KALRN: variants seen among roughly 807,000 people sequenced by gnomAD.
KALRN encodes kalirin.
KALRN carries 70 observed loss-of-function variants against 353.7 expected under a neutral mutation model. The ratio of observed to expected loss-of-function variants is 0.20; its 90% confidence interval spans 0.16 to 0.24. The LOEUF is 0.24. Among genes scored for constraint, KALRN ranks in the 10% least tolerant of loss-of-function variants. KALRN has a pLI of 1.00. For missense variants in KALRN, 2,791 were observed against 3,756.7 expected, an observed-to-expected ratio of 0.74 and a Z score of 6.72; for synonymous variants, 1,391 against 1,434.8, an observed-to-expected ratio of 0.97 and a Z score of 0.69.
intron 33 of KALRN, among the ~76,000 whole-genome samples, chr3:124,536,310 G>A (rs920270908): frequency 9.5e-5 from 14 of 146,816 alleles, no homozygotes; most frequent in South Asian, 8.6e-4. Context: ...CAAGTGATTC[G>A]CCTGCCTCAG....
intron 6 of KALRN, among the ~76,000 whole-genome samples, chr3:124,309,947 T>C (rs1596649): frequency 0.063 from 9,538 of 152,112 alleles, 940 homozygotes; most frequent in East Asian, 0.47. Flanking sequence ...GAAAAAGAAA[T>C]AAGAGTCATC....
At chr3:124,656,973 C>G (rs1473164460) in intron 39 of KALRN, among the ~76,000 whole-genome samples, 2 of 152,172 alleles carry the variant, frequency 1.3e-5, no homozygotes, top group African/African-American at 4.8e-5. Context: ...AAGTCATCAT[C>G]CAACACCCAG....
At chr3:124,580,382 G>T (rs1477274908) in intron 34 of KALRN, among the ~76,000 whole-genome samples, 1 of 150,918 alleles carries the variant, frequency 6.6e-6, no homozygotes, top group Non-Finnish European at 1.5e-5. Flanking sequence ...GTGGGGAGGG[G>T]GGACTCAGGC....
intron 10 of KALRN, among the ~76,000 whole-genome samples, chr3:124,362,962 A>G (rs1355008762): frequency 2.6e-5 from 4 of 152,202 alleles, no homozygotes; most frequent in African/African-American, 9.6e-5. Flanking sequence ...TGTAGCTGTC[A>G]CTCTGATGAA....
chr3:124,250,172 C>T lies in KALRN; in HGVS notation c.264-14326C>T, dbSNP rs2070925436. On this transcript the variant is annotated intron_variant, in intron 3 of 59. Coordinates refer to ENST00000682506, the MANE Select transcript of KALRN (RefSeq NM_001388419.1). ...TGGGCTTTCAAGAATGTGACTGCTACTTAAGGAGAAAGAGGAGGAGGGAAG... is the reference window on the plus strand; with the variant it reads ...TGGGCTTTCAAGAATGTGACTGCTATTTAAGGAGAAAGAGGAGGAGGGAAG... Among the ~76,000 whole-genome samples the T allele has an allele frequency of 4.6e-5, 7 of 152,232 alleles. No homozygotes were observed. The South Asian group carries it at 1.5e-3, about 32-fold the overall frequency.
In KALRN at chr3:124,456,643, G is replaced by T. The variant is rs749299134; in HGVS notation, c.3769G>T (p.Ala1257Ser). Residue 1257 changes from alanine to serine, a missense_variant, in exon 23 of 60, where the codon GCA becomes TCA. Coordinates refer to ENST00000682506, the MANE Select transcript of KALRN (RefSeq NM_001388419.1). The stretch of plus-strand genomic sequence containing the variant: ...GGACCTGGAGCTGGATATTATCCCA[G>T]CAAGCCTTTCGGATCGGGAGGTCAA... The part of the protein sequence containing the change: ...NKDLELDIIP[A>S]SLSDREVKLR... 1 of 1,613,110 alleles carries T rather than the reference G, an allele frequency of 6.2e-7. No individual in the cohort carries two copies. The highest frequency in any genetic ancestry group is 1.1e-5 in the South Asian group (1 of 91,030).
intron 33 of KALRN, among the ~76,000 whole-genome samples, chr3:124,552,334 T>C (rs975532004): frequency 6.6e-6 from 1 of 152,198 alleles, no homozygotes; most frequent in African/African-American, 2.4e-5. Context: ...CCATCTCCAG[T>C]CCTGGCAGAC....
intron 3 of KALRN, among the ~76,000 whole-genome samples, chr3:124,257,201 A>C (rs1390524082): frequency 6.6e-6 from 1 of 152,220 alleles, no homozygotes; most frequent in Admixed American, 6.5e-5. Flanking sequence ...TATTTATTAA[A>C]TGCATATTGT....
At chr3:124,072,254 G>A (rs578131353) in intron 1 of KALRN, among the ~76,000 whole-genome samples, 62 of 152,252 alleles carry the variant, frequency 4.1e-4, no homozygotes, top group African/African-American at 1.5e-3. Context: ...CAGCAGCTCA[G>A]TGCATTCTTA....
At chr3:124,575,286 T>C (rs1247094930) in intron 34 of KALRN, among the ~76,000 whole-genome samples, 1 of 152,208 alleles carries the variant, frequency 6.6e-6, no homozygotes, top group African/African-American at 2.4e-5. Context: ...CTCACCTTTG[T>C]ACACAGGAGG....
intron 1 of KALRN, among the ~76,000 whole-genome samples, chr3:124,194,378 G>A (rs1013793534): frequency 6.6e-6 from 1 of 151,958 alleles, no homozygotes; most frequent in Admixed American, 6.6e-5. Context: ...AGCATACCTG[G>A]GTCTTAGTTC....
rs114022933 is a variant in KALRN at position 124,112,670 on chromosome 3, G to A, written c.73+78857G>A. Among the ~76,000 whole-genome samples the A allele has an allele frequency of 2.8e-3, 420 of 152,112 alleles. 2 individuals carry two copies. The highest frequency in any genetic ancestry group is 6.8e-3 in the Middle Eastern group (2 of 294). On this transcript the variant is annotated intron_variant, in intron 1 of 59. Transcript: ENST00000682506. ...CTGTTTTCCATATCCTATATCTATG[G>A]CTTGATCTCATCTTAGAAGTCCCCC...
intron 25 of KALRN, among the ~76,000 whole-genome samples, chr3:124,467,066 G>T (rs1436821401): frequency 6.6e-6 from 1 of 152,198 alleles, no homozygotes; most frequent in Non-Finnish European, 1.5e-5. Context: ...TCCAGGCTTG[G>T]CTGGAAGCTA....
chr3:124,288,860 C>T (rs988424266), intron 5 of KALRN, among the ~76,000 whole-genome samples: 2 of 151,974 alleles, frequency 1.3e-5, no homozygotes, highest in African/African-American at 2.4e-5. Context: ...AGGGATGACG[C>T]GAAGATGTGG....
chr3:124,381,572 C>T (rs1274485344), intron 10 of KALRN, among the ~76,000 whole-genome samples: 1 of 152,154 alleles, frequency 6.6e-6, no homozygotes, highest in African/African-American at 2.4e-5. Flanking sequence ...GACCCCATTG[C>T]CTTCCCACCT....
intron 58 of KALRN, 21 bp from the exon 59 acceptor site, chr3:124,717,226 C>T: frequency 6.3e-7 from 1 of 1,575,582 alleles, no homozygotes; most frequent in Non-Finnish European, 8.6e-7. Flanking sequence ...ATTTCCTTTG[C>T]CTTTCCCTGC....
At chr3:124,649,547 G>T (rs1315914330) in intron 37 of KALRN, among the ~76,000 whole-genome samples, 1 of 152,122 alleles carries the variant, frequency 6.6e-6, no homozygotes, top group Non-Finnish European at 1.5e-5. Context: ...GCTGAGGTGG[G>T]AGTATCACTT....
intron 13 of KALRN, among the ~76,000 whole-genome samples, chr3:124,405,042 A>AT (rs36000453): frequency 1.2e-4 from 18 of 152,282 alleles, no homozygotes; most frequent in African/African-American, 4.1e-4. Context: ...ACATTTTCTA[A>AT]GTACCCCCAG....
intron 1 of KALRN, among the ~76,000 whole-genome samples, chr3:124,068,134 G>A (rs2042531614): frequency 6.6e-6 from 1 of 152,208 alleles, no homozygotes; most frequent in Admixed American, 6.5e-5. Context: ...CATTGAGGGG[G>A]CAGGATGACA....
Sources: allele counts gnomAD v4.1 joint callset (sites outside exome capture counted in the v4.1 genomes callset), GRCh38; gene constraint gnomAD v4.1.1; transcripts MANE v1.5; gene names NCBI Gene and HGNC (gene_info 2026-07-23, HGNC 2026-07-21).